Variants in CRB1 observed in about 807,000 individuals in gnomAD.
The protein encoded by CRB1 is protein crumbs homolog 1.
Under a neutral mutation model 120.0 loss-of-function variants are expected in CRB1, and 83 were observed. That is an observed-to-expected ratio of 0.69 (90% CI 0.58 to 0.83). The LOEUF (loss-of-function observed/expected upper bound fraction) is 0.83, where lower values mean the gene tolerates loss of function less well. Among genes scored for constraint, CRB1 ranks in the 40% least tolerant of loss-of-function variants. The pLI is 0.00. For missense variants in CRB1, 1,699 were observed against 1,687.6 expected (o/e 1.01, Z -0.12); for synonymous variants, 625 against 612.5 (o/e 1.02, Z -0.30).
chr1:197,326,153 G>C (rs1300070291), intron 1 of CRB1, among the ~76,000 whole-genome samples: 1 of 152,146 alleles, frequency 6.6e-6, no homozygotes, highest in Non-Finnish European at 1.5e-5. Flanking sequence ...TAAGGTAAGA[G>C]CTATGGCTTT....
At position 197,434,991 on chromosome 1, in the gene CRB1, A is replaced by G. The variant is rs1357564499; in HGVS notation, c.3128A>G (p.Asp1043Gly). ...TWHEVTLSMTDPLSQTSRWQM... is the reference protein window; with the variant it reads ...TWHEVTLSMTGPLSQTSRWQM... ...CACGAAGTGACCCTTTCCATGACAG[A>G]CCCACTGTCCCAGACCTCCAGGTGG... The change falls in exon 9 of 12, where the codon GAC (aspartate) becomes GGC (glycine). Residue 1043 changes from aspartate (D) to glycine (G), a missense_variant. Asp to Gly is a moderately conservative substitution (Grantham distance 94). Transcript: ENST00000367400. 3 of 1,613,980 alleles carry G rather than the reference A, an allele frequency of 1.9e-6. No individual in the cohort carries two copies. The highest frequency in any genetic ancestry group is 2.7e-5 in the African/African-American group (2 of 75,028).
intron 1 of CRB1, among the ~76,000 whole-genome samples, chr1:197,276,730 A>G (rs7542212): frequency 0.59 from 89,972 of 151,732 alleles, 29,648 homozygotes; most frequent in East Asian, 0.91. Flanking sequence ...TAAGTTGTCC[A>G]ACATAACTGA....
At chr1:197,318,274 G>A (rs555011116) in intron 1 of CRB1, among the ~76,000 whole-genome samples, 3 of 152,232 alleles carry the variant, frequency 2.0e-5, no homozygotes, top group Middle Eastern at 3.4e-3. Context: ...TCAGGGAAAG[G>A]CAAATCAAGA....
intron 11 of CRB1, among the ~76,000 whole-genome samples, chr1:197,451,565 A>G (rs1399410761): frequency 6.6e-6 from 1 of 152,190 alleles, no homozygotes; most frequent in African/African-American, 2.4e-5. Flanking sequence ...ACTGAACCTA[A>G]CACTGTCGAT....
chr1:197,233,125 T>A, the CRB1 span, among the ~76,000 whole-genome samples: 1 of 152,122 alleles, frequency 6.6e-6, no homozygotes, highest in Non-Finnish European at 1.5e-5. Context: ...CATCCCCATG[T>A]GGCCAAGATA....
At chr1:197,375,199 C>G (rs1285351917) in intron 5 of CRB1, among the ~76,000 whole-genome samples, 2 of 152,114 alleles carry the variant, frequency 1.3e-5, no homozygotes, top group African/African-American at 4.8e-5. Flanking sequence ...TTCATGGATG[C>G]TGGCAGAAGA....
At position 197,421,293 on chromosome 1, in the gene CRB1, G is replaced by A. The variant is rs1389085632; in HGVS notation, c.1465G>A (p.Glu489Lys). The A allele has an allele frequency of 2.4e-5, 38 of 1,614,098 alleles. No individual in the cohort carries two copies. Among genetic ancestry groups the A allele is most frequent in the Admixed American group, 8.3e-5 (5 of 60,010 alleles). ...TGAAATCGCAACCACACTTTCATTT[G>A]AGGGCGATGGCTTCCTGTGGGTCAA... ...LCEIATTLSF[E>K]GDGFLWVKSG... Residue 489 changes from glutamate (E) to lysine (K), a missense_variant, in exon 6 of 12, where the codon GAG (glutamate) becomes AAG (lysine). Transcript: ENST00000367400.
At chr1:197,339,768 C>A (rs1470124295) in intron 2 of CRB1, among the ~76,000 whole-genome samples, 1 of 152,150 alleles carries the variant, frequency 6.6e-6, no homozygotes, top group African/African-American at 2.4e-5. Flanking sequence ...AGTGCAAAGT[C>A]TCTAAATACT....
chr1:197,476,358 TTATTTG>T (rs1667194236), intron 11 of CRB1, among the ~76,000 whole-genome samples: 1 of 136,548 alleles, frequency 7.3e-6, no homozygotes, highest in African/African-American at 2.7e-5. Context: ...TGTATTATGA[TTATTTG>T]TGTGTGTGTG....
rs1456772217 is a variant in CRB1, at chr1:197,478,181, T to C, written c.*302T>C. ...GCTTTAGTGGCTATCACTGAAACTC[T>C]TTCCTCTTTTCAACCTGGGAACAAA... On this transcript the variant is annotated 3_prime_UTR_variant, in exon 12 of 12. Transcript: ENST00000367400. 1.6e-5 allele frequency: 6 copies of C among 378,070 alleles called. No individual in the cohort carries two copies. In the East Asian group the frequency reaches 2.2e-4, roughly 14 times the overall value. The allele number at this position is 378,070 out of a possible 1,614,324, so 23.4% of individuals were successfully genotyped here.
chr1:197,341,992 G>A (rs1384533885), intron 2 of CRB1, among the ~76,000 whole-genome samples: 1 of 152,156 alleles, frequency 6.6e-6, no homozygotes, highest in African/African-American at 2.4e-5. Context: ...GAGTGGTAGA[G>A]GTATATGGTA....
chr1:197,335,767 G>A lies in CRB1; in HGVS notation c.652+6764G>A, dbSNP rs142940450. ...CCGCCTAGGCCTCCCAGAGTGGTGG[G>A]ATTACAGGCATGAGCCACCTCGCCC... On this transcript the variant is annotated intron_variant, in intron 2 of 11. Transcript: ENST00000367400. 1.4e-4 allele frequency among the ~76,000 whole-genome samples: 21 copies of A among 152,326 alleles called. 1 individual carries two copies. Among genetic ancestry groups the A allele is most frequent in the Middle Eastern group, 6.8e-3 (2 of 294 alleles).
the CRB1 span, among the ~76,000 whole-genome samples, chr1:197,214,799 G>T: frequency 6.6e-6 from 1 of 151,406 alleles, no homozygotes; most frequent in Non-Finnish European, 1.5e-5. Flanking sequence ...AAAACTCGAA[G>T]AGAAAGAAAT....
intron 5 of CRB1, among the ~76,000 whole-genome samples, chr1:197,376,888 A>G (rs1304557986): frequency 6.6e-6 from 1 of 152,068 alleles, no homozygotes; most frequent in Non-Finnish European, 1.5e-5. Context: ...CCTCTCCAAA[A>G]TCACCTCCTG....
the CRB1 span, among the ~76,000 whole-genome samples, chr1:197,202,141 C>T: frequency 6.6e-6 from 1 of 152,018 alleles, no homozygotes; most frequent in Non-Finnish European, 1.5e-5. Context: ...AATTTTCTTC[C>T]CCCACCCTCT....
chr1:197,360,649 TTGA>T (rs1660723796), intron 5 of CRB1, among the ~76,000 whole-genome samples: 1 of 152,236 alleles, frequency 6.6e-6, no homozygotes, highest in Admixed American at 6.5e-5. Context: ...TTCTTGGTTG[TTGA>T]TTGTGTATAG....
chr1:197,359,008 T>C (rs1201677956), intron 5 of CRB1, among the ~76,000 whole-genome samples: 1 of 152,228 alleles, frequency 6.6e-6, no homozygotes, highest in African/African-American at 2.4e-5. Context: ...TTTTTATGTC[T>C]ACACGTTTTT....
At chr1:197,383,410 A>G (rs1192591515) in intron 5 of CRB1, among the ~76,000 whole-genome samples, 2 of 152,206 alleles carry the variant, frequency 1.3e-5, no homozygotes, top group African/African-American at 4.8e-5. Context: ...ATGCCTTTAC[A>G]TGACTATGAA....
intron 1 of CRB1, among the ~76,000 whole-genome samples, chr1:197,303,637 G>A (rs1179720233): frequency 2.6e-5 from 4 of 151,568 alleles, no homozygotes; most frequent in South Asian, 2.1e-4. Context: ...AAAAATAAGC[G>A]ACTTGTCCTA....
Sources: allele counts gnomAD v4.1 joint callset (sites outside exome capture counted in the v4.1 genomes callset), GRCh38; gene constraint gnomAD v4.1.1; transcripts MANE v1.5; gene names NCBI Gene and HGNC (gene_info 2026-07-23, HGNC 2026-07-21).